The following RASSF5 variants were observed in gnomAD, a reference collection of about 807,000 sequenced individuals.
RASSF5 encodes Ras association domain family member 5, also known as ras association domain-containing protein 5.
A neutral mutation model predicts 40.5 loss-of-function variants in RASSF5; 25 were observed. The observed-to-expected ratio is 0.62, with a 90% CI of 0.45 to 0.86. The LOEUF (loss-of-function observed/expected upper bound fraction) is 0.86. RASSF5 is among the 40% of genes least tolerant of loss of function. The pLI is 0.00. For missense variants in RASSF5, 521 were observed against 572.8 expected (o/e 0.91, Z 0.92); for synonymous variants, 246 against 252.4 (o/e 0.97, Z 0.24).
At chr1:206,529,128 A>T in intron 1 of RASSF5, 3 of 1,506,120 alleles carry the variant, frequency 2.0e-6, no homozygotes, top group South Asian at 2.5e-5. Context: ...CAAGTGGCTG[A>T]AAGTGCCTCC....
rs1553408487 is a variant in RASSF5, at chr1:206,589,186, G to GT, written c.*2209dup. 2.0e-5 allele frequency: 3 copies of GT among 152,678 alleles called. No individual in the cohort carries two copies. Among genetic ancestry groups the GT allele is most frequent in the African/African-American group, 4.8e-5 (2 of 41,410 alleles). The allele number at this position is 152,678 out of a possible 1,614,324, so 9.5% of individuals were successfully genotyped here. A position where few individuals can be genotyped will look rare whatever the true frequency, so the allele number is the denominator to read the frequency against. ...CTTCTTTGGTTGTGTTGCTCAGTGT[G>GT]TAAGTGTTTGTTTCCAGGATATTTT... On this transcript the variant is annotated 3_prime_UTR_variant, in exon 6 of 6. Coordinates refer to ENST00000579436, the MANE Select transcript of RASSF5 (RefSeq NM_182663.4).
At chr1:206,539,742 C>T (rs1217451718) in intron 2 of RASSF5, among the ~76,000 whole-genome samples, 1 of 152,162 alleles carries the variant, frequency 6.6e-6, no homozygotes, top group Non-Finnish European at 1.5e-5. Flanking sequence ...GCACATCTGG[C>T]CCCCAAAAGT....
At chr1:206,523,030 C>A (rs551269106) in intron 1 of RASSF5, among the ~76,000 whole-genome samples, 85 of 151,976 alleles carry the variant, frequency 5.6e-4, no homozygotes, top group African/African-American at 2.1e-3. Flanking sequence ...ATATTCCAGG[C>A]GTGGTGGCTC....
At chr1:206,533,862 T>A (rs1667312052) in intron 1 of RASSF5, among the ~76,000 whole-genome samples, 1 of 152,156 alleles carries the variant, frequency 6.6e-6, no homozygotes, top group Non-Finnish European at 1.5e-5. Context: ...TGGAGTAGGA[T>A]GGCCTCCTGA....
chr1:206,555,222 T>C (rs1301038593), intron 2 of RASSF5, among the ~76,000 whole-genome samples: 1 of 152,218 alleles, frequency 6.6e-6, no homozygotes, highest in Non-Finnish European at 1.5e-5. Flanking sequence ...GGTGTGCTGC[T>C]TCTAAGGAGA....
intron 1 of RASSF5, chr1:206,529,847 C>T (rs1469207663): frequency 5.5e-6 from 2 of 361,408 alleles, no homozygotes; most frequent in East Asian, 6.6e-5. Context: ...CCTGGGAGGT[C>T]AAGGCTGAAG....
intron 1 of RASSF5, among the ~76,000 whole-genome samples, chr1:206,533,354 A>G (rs1273101560): frequency 1.3e-5 from 2 of 152,144 alleles, no homozygotes; most frequent in Admixed American, 6.5e-5. Context: ...GGTTTCCACT[A>G]GAAACCGCCA....
chr1:206,514,325 A>C (rs561555493), intron 1 of RASSF5, among the ~76,000 whole-genome samples: 1 of 152,278 alleles, frequency 6.6e-6, no homozygotes, highest in South Asian at 2.1e-4. Context: ...TCCTACCTAT[A>C]ACTACTGCCC....
At chr1:206,571,104 TG>T (rs1429093063) in intron 2 of RASSF5, among the ~76,000 whole-genome samples, 1 of 152,192 alleles carries the variant, frequency 6.6e-6, no homozygotes, top group Non-Finnish European at 1.5e-5. Context: ...GTTATTTTCT[TG>T]TTTATTGTTT....
At chr1:206,580,115 C>A (rs1387768442) in intron 2 of RASSF5, among the ~76,000 whole-genome samples, 1 of 152,190 alleles carries the variant, frequency 6.6e-6, no homozygotes, top group Non-Finnish European at 1.5e-5. Context: ...TGCCTGTGGC[C>A]ACTTGCGTCA....
intron 1 of RASSF5, among the ~76,000 whole-genome samples, chr1:206,522,113 C>T (rs1233497857): frequency 2.0e-5 from 3 of 152,012 alleles, no homozygotes; most frequent in African/African-American, 7.3e-5. Flanking sequence ...CTTTACTGAG[C>T]TTTCTCTCTC....
chr1:206,558,929 G>A (rs1219483424), intron 2 of RASSF5, among the ~76,000 whole-genome samples: 3 of 152,138 alleles, frequency 2.0e-5, no homozygotes, highest in Non-Finnish European at 2.9e-5. Flanking sequence ...GAGGGGAGGT[G>A]TCCCACCCTC....
At chr1:206,532,803 G>A (rs576437581) in intron 1 of RASSF5, among the ~76,000 whole-genome samples, 4 of 152,326 alleles carry the variant, frequency 2.6e-5, no homozygotes, top group African/African-American at 9.6e-5. Context: ...GGAGGGGAGA[G>A]TTAAATGGAG....
In RASSF5 at chr1:206,507,964, A is replaced by AG; in HGVS notation, c.366dup (p.His123AlafsTer16). 1 of 1,536,358 alleles carries AG rather than the reference A, an allele frequency of 6.5e-7. No homozygotes were observed. Reference sequence around the variant, plus strand: ...CCCAGAGTCCCGGCGGAGCGAGGCGAGGGGCACTGCTTCGCCGAGTTGGTG... The same window carrying AG: ...CCCAGAGTCCCGGCGGAGCGAGGCGAGGGGGCACTGCTTCGCCGAGTTGGTG... On this transcript the variant is annotated frameshift_variant, in exon 1 of 6. Coordinates refer to ENST00000579436, the MANE Select transcript of RASSF5 (RefSeq NM_182663.4). LOFTEE classifies it high-confidence loss of function.
At chr1:206,547,161 C>A (rs1667716512) in intron 2 of RASSF5, among the ~76,000 whole-genome samples, 1 of 152,270 alleles carries the variant, frequency 6.6e-6, no homozygotes, top group Non-Finnish European at 1.5e-5. Context: ...ATGATAGTAT[C>A]CTTCCATTTC....
At chr1:206,522,614 G>T (rs575189041) in intron 1 of RASSF5, among the ~76,000 whole-genome samples, 4 of 152,084 alleles carry the variant, frequency 2.6e-5, no homozygotes, top group Non-Finnish European at 4.4e-5. Context: ...GCCAAGGGGG[G>T]ATTCTCAGGA....
intron 1 of RASSF5, chr1:206,518,396 G>T: frequency 2.5e-6 from 1 of 398,680 alleles, no homozygotes. Flanking sequence ...AGATGACCGA[G>T]GGCCAGGAGG....
At chr1:206,543,249 T>C (rs1260040982) in intron 2 of RASSF5, 2 of 149,022 alleles carry the variant, frequency 1.3e-5, no homozygotes, top group African/African-American at 5.0e-5. Flanking sequence ...CCACGCACTG[T>C]TCTAAAGTCC....
At chr1:206,575,097 C>T (rs7512541) in intron 2 of RASSF5, among the ~76,000 whole-genome samples, 72,711 of 151,644 alleles carry the variant, frequency 0.48, 18,033 homozygotes, top group Middle Eastern at 0.64. Context: ...AACTCCTAAC[C>T]TCACCTTTGA....
Sources: allele counts gnomAD v4.1 joint callset (sites outside exome capture counted in the v4.1 genomes callset), GRCh38; gene constraint gnomAD v4.1.1; transcripts MANE v1.5; gene names NCBI Gene and HGNC (gene_info 2026-07-23, HGNC 2026-07-21).